The following SCFD2 variants were observed in gnomAD, a reference collection of about 807,000 sequenced individuals.
SCFD2 encodes sec1 family domain-containing protein 2.
In SCFD2, 54 loss-of-function variants were observed where a neutral mutation model predicts 58.9. The observed-to-expected ratio is 0.92, with a 90% CI of 0.74 to 1.15. SCFD2 has a LOEUF of 1.15. SCFD2 is among the 50% of genes most tolerant of loss of function. The pLI is 0.00. For missense variants in SCFD2, 805 were observed against 836.6 expected (o/e 0.96, Z 0.47); for synonymous variants, 321 against 335.9 (o/e 0.96, Z 0.49).
chr4:53,110,899 G>A (rs1725150620), intron 5 of SCFD2, among the ~76,000 whole-genome samples: 1 of 152,174 alleles, frequency 6.6e-6, no homozygotes, highest in Admixed American at 6.5e-5. Flanking sequence ...TATGTTTACT[G>A]CAGCACTATT....
chr4:53,192,451 G>T (rs899678451), intron 4 of SCFD2, among the ~76,000 whole-genome samples: 5 of 152,176 alleles, frequency 3.3e-5, no homozygotes, highest in Admixed American at 3.3e-4. Flanking sequence ...TTTTCTAGGG[G>T]AAACTGAGTG....
At chr4:53,117,242 G>A (rs1725350619) in intron 5 of SCFD2, among the ~76,000 whole-genome samples, 1 of 152,156 alleles carries the variant, frequency 6.6e-6, no homozygotes, top group Admixed American at 6.6e-5. Flanking sequence ...CACTTCCTGT[G>A]ATCTGTCTTA....
At chr4:53,064,164 G>C (rs1247980627) in intron 5 of SCFD2, among the ~76,000 whole-genome samples, 2 of 151,866 alleles carry the variant, frequency 1.3e-5, no homozygotes, top group Admixed American at 1.3e-4. Flanking sequence ...ACATGTGCAG[G>C]TTTGTTACAT....
chr4:53,342,795 T>C (rs950701958), intron 2 of SCFD2, among the ~76,000 whole-genome samples: 1 of 152,126 alleles, frequency 6.6e-6, no homozygotes, highest in Non-Finnish European at 1.5e-5. Flanking sequence ...GAACTCAGGA[T>C]TAAGAAACTC....
At chr4:53,173,200 C>A (rs1322551517) in intron 4 of SCFD2, among the ~76,000 whole-genome samples, 1 of 152,030 alleles carries the variant, frequency 6.6e-6, no homozygotes, top group Non-Finnish European at 1.5e-5. Context: ...CTGATAAATC[C>A]ATCATAAGTT....
chr4:52,929,810 C>T (rs555851777), intron 5 of SCFD2, among the ~76,000 whole-genome samples: 11 of 152,154 alleles, frequency 7.2e-5, no homozygotes, highest in East Asian at 5.8e-4. Context: ...ACAAGGGATG[C>T]GCTGGACCTC....
chr4:53,214,912 C>G (rs994594395), intron 4 of SCFD2, among the ~76,000 whole-genome samples: 14 of 152,256 alleles, frequency 9.2e-5, no homozygotes, highest in African/African-American at 3.4e-4. Context: ...AATAGGGAAT[C>G]CTTTCTGCAT....
At chr4:53,156,727 G>A (rs927625344) in intron 4 of SCFD2, among the ~76,000 whole-genome samples, 1 of 152,188 alleles carries the variant, frequency 6.6e-6, no homozygotes, top group African/African-American at 2.4e-5. Flanking sequence ...TGACAAAGCG[G>A]TCAAACTTAT....
rs964424386 is a variant in SCFD2, at chr4:52,920,819, T to C, written c.1613A>G (p.Asp538Gly). The change falls in exon 6 of 9, where the codon GAT (aspartate) becomes GGT (glycine). Residue 538 changes from aspartate (D) to glycine (G), a missense_variant. Physicochemically the swap from Asp to Gly is moderately conservative, Grantham distance 94 (BLOSUM62 -1). Transcript: ENST00000401642. ...ATCCCGAAGTGAAGTAAAGAGTTCA[T>C]CCACGGCAATTTTGGATTTGTGAAA... ...LTFHKSKIAV[D>G]ELFTSLRDIA... 5.6e-6 allele frequency: 9 copies of C among 1,611,366 alleles called. No individual in the cohort carries two copies. Among genetic ancestry groups the C allele is most frequent in the Non-Finnish European group, 7.6e-6 (9 of 1,178,012 alleles).
At chr4:53,348,969 T>C (rs895276892) in intron 2 of SCFD2, among the ~76,000 whole-genome samples, 1 of 152,004 alleles carries the variant, frequency 6.6e-6, no homozygotes, top group Non-Finnish European at 1.5e-5. Flanking sequence ...GATCCACCAA[T>C]CTGGGCCTCC....
At chr4:53,085,525 A>T (rs574277028) in intron 5 of SCFD2, among the ~76,000 whole-genome samples, 43 of 152,304 alleles carry the variant, frequency 2.8e-4, no homozygotes, top group Non-Finnish European at 5.4e-4. Context: ...ACAGAAATAT[A>T]AAAAACAATT....
chr4:53,280,500 A>G (rs1015856275), intron 3 of SCFD2, among the ~76,000 whole-genome samples: 2 of 151,972 alleles, frequency 1.3e-5, no homozygotes, highest in African/African-American at 4.8e-5. Context: ...TGGGCGACAG[A>G]GGGAAACTCT....
chr4:53,272,793 A>T (rs1424939424), intron 4 of SCFD2, among the ~76,000 whole-genome samples: 1 of 152,216 alleles, frequency 6.6e-6, no homozygotes, highest in East Asian at 1.9e-4. Flanking sequence ...AACGTGGCAC[A>T]TGTATACATA....
intron 4 of SCFD2, among the ~76,000 whole-genome samples, chr4:53,159,715 T>C (rs1368506266): frequency 1.3e-5 from 2 of 152,144 alleles, no homozygotes; most frequent in Non-Finnish European, 2.9e-5. Flanking sequence ...ATAAATACTA[T>C]GTGCCACAGA....
intron 5 of SCFD2, among the ~76,000 whole-genome samples, chr4:53,041,536 T>C (rs771695115): frequency 2.6e-5 from 4 of 152,172 alleles, no homozygotes; most frequent in Non-Finnish European, 4.4e-5. Context: ...ACTAAGTGAT[T>C]AACTGTGCAC....
chr4:53,122,149 G>C (rs1417256045), intron 5 of SCFD2, among the ~76,000 whole-genome samples: 1 of 152,114 alleles, frequency 6.6e-6, no homozygotes, highest in Non-Finnish European at 1.5e-5. Context: ...GGCTGAGGCA[G>C]GTGGATCACC....
chr4:53,347,298 C>T (rs1207810654), intron 2 of SCFD2, among the ~76,000 whole-genome samples: 2 of 152,152 alleles, frequency 1.3e-5, no homozygotes, highest in South Asian at 2.1e-4. Flanking sequence ...CTTCACTCAC[C>T]GATCCTGCCC....
intron 5 of SCFD2, among the ~76,000 whole-genome samples, chr4:53,088,083 G>A (rs915613712): frequency 3.3e-5 from 5 of 152,160 alleles, no homozygotes; most frequent in African/African-American, 7.2e-5. Context: ...GAAGCAGAAC[G>A]TAAAGATTTA....
chr4:53,038,594 A>G (rs1722819988), intron 5 of SCFD2, among the ~76,000 whole-genome samples: 1 of 152,188 alleles, frequency 6.6e-6, no homozygotes, highest in African/African-American at 2.4e-5. Context: ...AGCCTTGTCC[A>G]TTATGAATTT....
Sources: gnomAD v4.1 joint callset for allele counts (sites outside exome capture counted in the v4.1 genomes callset) on GRCh38, gnomAD v4.1.1 for gene constraint, MANE v1.5 for transcripts, NCBI Gene and HGNC (gene_info 2026-07-23, HGNC 2026-07-21) for gene names.